Variants in SPRED2 observed in about 807,000 individuals in gnomAD.
SPRED2 encodes the protein sprouty-related, EVH1 domain-containing protein 2.
SPRED2 carries 47 observed loss-of-function variants against 43.0 expected under a neutral mutation model. The ratio of observed to expected loss-of-function variants is 1.09; its 90% confidence interval spans 0.87 to 1.40. The LOEUF (loss-of-function observed/expected upper bound fraction) is 1.40. Among genes scored for constraint, SPRED2 ranks in the 40% most tolerant of loss-of-function variants. SPRED2 has a pLI of 0.00. For missense variants in SPRED2, 561 were observed against 586.4 expected (o/e 0.96, Z 0.45); for synonymous variants, 225 against 225.7 (o/e 1.00, Z 0.03).
At chr2:65,401,544 C>T (rs1285323992) in intron 1 of SPRED2, among the ~76,000 whole-genome samples, 1 of 151,684 alleles carries the variant, frequency 6.6e-6, no homozygotes, top group African/African-American at 2.4e-5. Context: ...GCCTGTAATC[C>T]CAGCACTTTG....
intron 4 of SPRED2, among the ~76,000 whole-genome samples, chr2:65,326,339 A>T (rs888927316): frequency 2.6e-4 from 39 of 152,212 alleles, no homozygotes; most frequent in African/African-American, 9.2e-4. Context: ...TAAGGCTGAG[A>T]AACCTATGAT....
chr2:65,373,397 T>G (rs1222931043), intron 1 of SPRED2, among the ~76,000 whole-genome samples: 1 of 152,190 alleles, frequency 6.6e-6, no homozygotes, highest in Non-Finnish European at 1.5e-5. Context: ...GAAAGCTATG[T>G]CCCTGATGCT....
intron 1 of SPRED2, among the ~76,000 whole-genome samples, chr2:65,371,904 C>T (rs189762881): frequency 2.9e-4 from 44 of 152,062 alleles, no homozygotes; most frequent in African/African-American, 9.2e-4. Context: ...GGTGAAAGCC[C>T]GTCTCTACTA....
chr2:65,316,544 T>C (rs1673238400), intron 5 of SPRED2, among the ~76,000 whole-genome samples, 190 bp downstream of exon 5: 1 of 152,200 alleles, frequency 6.6e-6, no homozygotes, highest in Non-Finnish European at 1.5e-5. Context: ...GCAAGGTGTC[T>C]GGCACACAGA....
At chr2:65,356,285 T>A (rs1272813241) in intron 1 of SPRED2, among the ~76,000 whole-genome samples, 1 of 152,202 alleles carries the variant, frequency 6.6e-6, no homozygotes, top group Non-Finnish European at 1.5e-5. Flanking sequence ...GATATGTGTA[T>A]GATAAAACAA....
intron 1 of SPRED2, among the ~76,000 whole-genome samples, chr2:65,412,019 C>T (rs35910768): frequency 0.12 from 17,841 of 151,388 alleles, 1,565 homozygotes; most frequent in Non-Finnish European, 0.17. Context: ...TCCCAGCTAC[C>T]CAGGAGGCTG....
At chr2:65,333,534 T>C (rs996019069) in intron 3 of SPRED2, among the ~76,000 whole-genome samples, 1 of 152,136 alleles carries the variant, frequency 6.6e-6, no homozygotes, top group Non-Finnish European at 1.5e-5. Flanking sequence ...AGTAGGAGAA[T>C]GAAATGTTGT....
intron 2 of SPRED2, among the ~76,000 whole-genome samples, chr2:65,343,079 C>T (rs1674240165): frequency 6.6e-6 from 1 of 152,160 alleles, no homozygotes; most frequent in South Asian, 2.1e-4. Flanking sequence ...AACAAGGAAT[C>T]TTTCTGAATC....
At chr2:65,374,363 C>T (rs1357124777) in intron 1 of SPRED2, among the ~76,000 whole-genome samples, 2 of 152,208 alleles carry the variant, frequency 1.3e-5, no homozygotes, top group Non-Finnish European at 2.9e-5. Context: ...GATCAAGTTC[C>T]TTGTACAAAT....
intron 2 of SPRED2, among the ~76,000 whole-genome samples, chr2:65,342,902 C>T (rs1674236204): frequency 6.6e-6 from 1 of 152,112 alleles, no homozygotes; most frequent in African/African-American, 2.4e-5. Flanking sequence ...ATTTGAAGCC[C>T]AGGAGTTGGA....
chr2:65,365,423 C>T (rs1179880987), intron 1 of SPRED2, among the ~76,000 whole-genome samples: 3 of 152,212 alleles, frequency 2.0e-5, no homozygotes, highest in Non-Finnish European at 2.9e-5. Flanking sequence ...AATGCATTTA[C>T]TGACAGCTTA....
intron 2 of SPRED2, among the ~76,000 whole-genome samples, chr2:65,339,212 C>T (rs772170334): frequency 1.3e-5 from 2 of 148,366 alleles, no homozygotes; most frequent in African/African-American, 2.5e-5. Context: ...GCCACCACCC[C>T]GTCTGGGAGG....
intron 1 of SPRED2, among the ~76,000 whole-genome samples, chr2:65,428,999 G>T (rs1435495805): frequency 1.3e-5 from 2 of 152,150 alleles, no homozygotes; most frequent in African/African-American, 4.8e-5. Context: ...TTATGTGGAG[G>T]GGGGACGAAA....
chr2:65,363,239 C>CA (rs141094707), intron 1 of SPRED2, among the ~76,000 whole-genome samples: 13,535 of 102,504 alleles, frequency 0.13, 812 homozygotes, highest in Non-Finnish European at 0.18. Context: ...AACTCCGTCT[C>CA]AAAAAAAAAA....
At chr2:65,315,550 A>G (rs1006959955) in intron 5 of SPRED2, among the ~76,000 whole-genome samples, 3 of 152,262 alleles carry the variant, frequency 2.0e-5, no homozygotes, top group Admixed American at 2.0e-4. Flanking sequence ...TGATTTCAGA[A>G]GGATTTCAAA....
chr2:65,363,637 G>A (rs61226353), intron 1 of SPRED2, among the ~76,000 whole-genome samples: 43,184 of 152,048 alleles, frequency 0.28, 7,137 homozygotes, highest in East Asian at 0.69. Flanking sequence ...GACAGCAGGC[G>A]ATAGACAGGC....
intron 1 of SPRED2, among the ~76,000 whole-genome samples, chr2:65,388,050 A>G (rs1386648510): frequency 5.3e-5 from 8 of 152,178 alleles, no homozygotes; most frequent in Admixed American, 3.9e-4. Context: ...CGGCCTCCCA[A>G]AGTGCTGGGA....
chr2:65,388,271 T>C (rs1675548540), intron 1 of SPRED2, among the ~76,000 whole-genome samples: 1 of 152,188 alleles, frequency 6.6e-6, no homozygotes, highest in Non-Finnish European at 1.5e-5. Flanking sequence ...CTTATGAAAC[T>C]CTGAATATGA....
In SPRED2 at chr2:65,399,361, G is replaced by C. The variant is rs541220575; in HGVS notation, c.26+32601C>G. ...AAATAATGGCATTTGCAGCAACCTG[G>C]ATAGAACTGGAAACTATTATTCTTT... is the stretch of plus-strand genomic sequence containing the variant. On this transcript the variant is annotated intron_variant, in intron 1 of 5. Transcript: ENST00000356388. Among the ~76,000 whole-genome samples the C allele has an allele frequency of 2.7e-5, 4 of 150,014 alleles. No individual in the cohort carries two copies. In the East Asian group the frequency reaches 7.8e-4, roughly 29 times the overall value.
Sources: allele counts gnomAD v4.1 joint callset (sites outside exome capture counted in the v4.1 genomes callset), GRCh38; gene constraint gnomAD v4.1.1; transcripts MANE v1.5; gene names NCBI Gene and HGNC (gene_info 2026-07-23, HGNC 2026-07-21).